CSMD1: variants seen among roughly 807,000 people sequenced by gnomAD.
CSMD1 encodes CUB and sushi domain-containing protein 1.
Under a neutral mutation model 417.5 loss-of-function variants are expected in CSMD1, and 213 were observed. That is an observed-to-expected ratio of 0.51 (90% CI 0.46 to 0.57). The LOEUF is 0.57. Ranked by LOEUF, CSMD1 falls within the 20% of genes least tolerant of loss-of-function variation. The pLI, the probability that CSMD1 is intolerant of heterozygous loss-of-function variation, is 0.00. For missense variants in CSMD1, 6,923 were observed against 4,529.7 expected, an observed-to-expected ratio of 1.53 and a Z score of -15.17; for synonymous variants, 2,862 against 1,736.8, an observed-to-expected ratio of 1.65 and a Z score of -16.11.
chr8:3,107,907 A>G, intron 44 of CSMD1, 109 bp from the exon 45 acceptor site: 1 of 679,138 alleles, frequency 1.5e-6, no homozygotes, highest in Non-Finnish European at 2.5e-6. Flanking sequence ...AAGTACACGG[A>G]CTGAAATGTC....
intron 26 of CSMD1, among the ~76,000 whole-genome samples, chr8:3,243,431 G>C (rs555806963): frequency 6.6e-6 from 1 of 150,412 alleles, no homozygotes; most frequent in African/African-American, 2.4e-5. Context: ...TCACTGAAGG[G>C]AGACTTTGAG....
At chr8:4,750,739 G>A (rs1177684496) in intron 1 of CSMD1, among the ~76,000 whole-genome samples, 5 of 150,394 alleles carry the variant, frequency 3.3e-5, no homozygotes, top group East Asian at 1.9e-4. Flanking sequence ...AGTAAATACC[G>A]AATTACTTCC....
At chr8:3,539,837 G>A (rs1253626336) in intron 10 of CSMD1, among the ~76,000 whole-genome samples, 8 of 151,642 alleles carry the variant, frequency 5.3e-5, no homozygotes, top group Admixed American at 1.3e-4. Context: ...TTAAGGTGCC[G>A]TGGAAAATCT....
intron 49 of CSMD1, among the ~76,000 whole-genome samples, chr8:3,063,530 T>C (rs900697815): frequency 6.6e-6 from 1 of 152,172 alleles, no homozygotes; most frequent in Non-Finnish European, 1.5e-5. Flanking sequence ...ACTTGTACAG[T>C]TATGTCCCTA....
intron 1 of CSMD1, among the ~76,000 whole-genome samples, chr8:4,948,841 G>C (rs1207381200): frequency 6.6e-6 from 1 of 152,008 alleles, no homozygotes; most frequent in African/African-American, 2.4e-5. Flanking sequence ...AGGATTTTTA[G>C]AAAAGGTTAT....
chr8:3,327,360 C>T (rs922804814), intron 23 of CSMD1, among the ~76,000 whole-genome samples: 2 of 152,022 alleles, frequency 1.3e-5, no homozygotes, highest in Admixed American at 6.5e-5. Context: ...GTCTCGATCT[C>T]GTGACCTTGT....
intron 4 of CSMD1, among the ~76,000 whole-genome samples, chr8:4,004,930 G>T (rs1460883541): frequency 6.6e-6 from 1 of 152,044 alleles, no homozygotes; most frequent in Non-Finnish European, 1.5e-5. Flanking sequence ...ATTTTTAGTA[G>T]AGACAGGGTT....
intron 3 of CSMD1, among the ~76,000 whole-genome samples, chr8:4,368,840 G>T (rs1802241182): frequency 6.6e-6 from 1 of 151,902 alleles, no homozygotes; most frequent in Non-Finnish European, 1.5e-5. Flanking sequence ...GTCTTTATTT[G>T]GGTCTTCTTA....
chr8:4,177,474 A>T (rs1048422330), intron 3 of CSMD1, among the ~76,000 whole-genome samples: 2 of 152,216 alleles, frequency 1.3e-5, no homozygotes, highest in Admixed American at 1.3e-4. Context: ...CACAAGAGAA[A>T]GTAGGAAAGA....
intron 3 of CSMD1, among the ~76,000 whole-genome samples, chr8:4,059,726 T>C (rs964500367): frequency 6.6e-6 from 1 of 151,994 alleles, no homozygotes; most frequent in African/African-American, 2.4e-5. Context: ...ACCTACACTC[T>C]CCCAAGACTA....
chr8:3,272,878 C>G (rs962827120), intron 26 of CSMD1, among the ~76,000 whole-genome samples: 12 of 150,342 alleles, frequency 8.0e-5, no homozygotes, highest in Admixed American at 4.7e-4. Flanking sequence ...CGTCTGCAAA[C>G]AGGGACAATT....
intron 1 of CSMD1, among the ~76,000 whole-genome samples, chr8:4,973,065 C>T (rs1810336774): frequency 6.6e-6 from 1 of 151,922 alleles, no homozygotes; most frequent in African/African-American, 2.4e-5. Flanking sequence ...TGCATAGAAC[C>T]TCAATTATAA....
At chr8:4,263,962 G>C (rs1009776809) in intron 3 of CSMD1, among the ~76,000 whole-genome samples, 2 of 152,138 alleles carry the variant, frequency 1.3e-5, no homozygotes, top group Admixed American at 6.6e-5. Context: ...TGTCATAGCA[G>C]AAGAATCATA....
chr8:4,817,300 A>G (rs1282875490), intron 1 of CSMD1, among the ~76,000 whole-genome samples: 1 of 152,218 alleles, frequency 6.6e-6, no homozygotes, highest in African/African-American at 2.4e-5. Context: ...CAAGCTATAC[A>G]TTAAGGTGGC....
chr8:3,639,337 G>C (rs1797195094), intron 7 of CSMD1, among the ~76,000 whole-genome samples: 1 of 152,162 alleles, frequency 6.6e-6, no homozygotes, highest in African/African-American at 2.4e-5. Flanking sequence ...AATCAGGAAA[G>C]TTTGGAGTTT....
chr8:3,590,391 G>A (rs1015961650), intron 8 of CSMD1, among the ~76,000 whole-genome samples: 3 of 152,068 alleles, frequency 2.0e-5, no homozygotes, highest in Admixed American at 6.5e-5. Context: ...GTAGTCATGT[G>A]CACTCTCCAG....
At chr8:3,886,386 G>T (rs115439501) in intron 5 of CSMD1, among the ~76,000 whole-genome samples, 1 of 152,288 alleles carries the variant, frequency 6.6e-6, no homozygotes, top group Non-Finnish European at 1.5e-5. Flanking sequence ...GTGGCAAATT[G>T]GTTGTGTGCT....
intron 3 of CSMD1, among the ~76,000 whole-genome samples, chr8:4,067,788 C>T (rs1053304881): frequency 5.3e-5 from 8 of 152,076 alleles, no homozygotes; most frequent in Admixed American, 5.2e-4. Flanking sequence ...AACAGAATTA[C>T]TAAAATGGGG....
At chr8:4,090,392 A>C (rs1227523994) in intron 3 of CSMD1, among the ~76,000 whole-genome samples, 1 of 152,050 alleles carries the variant, frequency 6.6e-6, no homozygotes, top group Non-Finnish European at 1.5e-5. Context: ...TTCCACTCTT[A>C]CTCCTTTTTA....
Sources: gnomAD v4.1 joint callset for allele counts (sites outside exome capture counted in the v4.1 genomes callset) on GRCh38, gnomAD v4.1.1 for gene constraint, MANE v1.5 for transcripts, NCBI Gene and HGNC (gene_info 2026-07-23, HGNC 2026-07-21) for gene names.